Variants in IMMP2L observed in about 807,000 individuals in gnomAD.
IMMP2L encodes inner mitochondrial membrane peptidase subunit 2.
In IMMP2L, 18 loss-of-function variants were observed where a neutral mutation model predicts 19.3. The ratio of observed to expected loss-of-function variants is 0.93; its 90% CI spans 0.64 to 1.38. IMMP2L has a LOEUF of 1.38. Among genes scored for constraint, IMMP2L ranks in the 40% most tolerant of loss-of-function variants. IMMP2L has a pLI of 0.00. For missense variants in IMMP2L, 233 were observed against 218.2 expected, an observed-to-expected ratio of 1.07 and a Z score of -0.43; for synonymous variants, 76 against 73.0, an observed-to-expected ratio of 1.04 and a Z score of -0.21.
Position 110,950,841 on chromosome 7 carries a change from C to CATATATATATAT in IMMP2L, c.305+12647_305+12658dup, listed in dbSNP as rs34797718. Among the ~76,000 whole-genome samples the CATATATATATAT allele has an allele frequency of 4.7e-3, 476 of 100,480 alleles. 6 individuals carry two copies. The highest frequency in any genetic ancestry group is 6.4e-3 in the Non-Finnish European group (333 of 52,362). The allele number at this position is 100,480 out of a possible 152,430, so 65.9% of individuals were successfully genotyped here. ...AGATGAATGGATACACAAAATGTGGCATATATATATATATATATATATATA... is the reference window on the plus strand; with the variant it reads ...AGATGAATGGATACACAAAATGTGGCATATATATATATATATATATATATATATATATATATA... On this transcript the variant is annotated intron_variant, in intron 4 of 5. Transcript: ENST00000405709.
intron 4 of IMMP2L, among the ~76,000 whole-genome samples, chr7:110,931,007 T>C (rs937565140): frequency 1.3e-5 from 2 of 152,132 alleles, no homozygotes; most frequent in African/African-American, 4.8e-5. Context: ...GTACCTAAAA[T>C]CTAGTGAGTG....
intron 3 of IMMP2L, among the ~76,000 whole-genome samples, chr7:111,165,322 G>A (rs934002488): frequency 6.6e-6 from 1 of 151,972 alleles, no homozygotes; most frequent in East Asian, 1.9e-4. Context: ...TAATTCATCT[G>A]TCAATGGATA....
intron 3 of IMMP2L, among the ~76,000 whole-genome samples, chr7:111,120,574 T>C (rs1189085557): frequency 1.3e-5 from 2 of 152,118 alleles, no homozygotes; most frequent in African/African-American, 4.8e-5. Context: ...TGTAATAAAA[T>C]TGTTTTTTCA....
chr7:110,723,558 C>A (rs939090704), intron 5 of IMMP2L, among the ~76,000 whole-genome samples: 10 of 151,888 alleles, frequency 6.6e-5, no homozygotes, highest in Non-Finnish European at 1.3e-4. Flanking sequence ...TAAATCTTCA[C>A]TGATTAGCAA....
At chr7:110,871,407 G>C (rs916677853) in intron 5 of IMMP2L, among the ~76,000 whole-genome samples, 4 of 152,090 alleles carry the variant, frequency 2.6e-5, no homozygotes, top group African/African-American at 9.7e-5. Flanking sequence ...AAATCTGGCA[G>C]AGAAGGATGA....
chr7:111,101,521 T>C (rs17439799), intron 3 of IMMP2L, among the ~76,000 whole-genome samples: 69,593 of 151,130 alleles, frequency 0.46, 17,271 homozygotes, highest in Non-Finnish European at 0.57. Context: ...GTCCACTGTC[T>C]ACCATTTTTG....
chr7:111,006,069 G>A (rs1275583903), intron 3 of IMMP2L, among the ~76,000 whole-genome samples: 1 of 152,130 alleles, frequency 6.6e-6, no homozygotes, highest in African/African-American at 2.4e-5. Flanking sequence ...GCTCATCTGA[G>A]TCTGAGCCTA....
chr7:111,317,170 G>A (rs1271688267), intron 3 of IMMP2L, among the ~76,000 whole-genome samples: 1 of 152,010 alleles, frequency 6.6e-6, no homozygotes, highest in Non-Finnish European at 1.5e-5. Context: ...GTGTCTCAAC[G>A]TGGTTAAGTG....
At chr7:111,505,354 G>A (rs1844773482) in intron 2 of IMMP2L, among the ~76,000 whole-genome samples, 1 of 151,410 alleles carries the variant, frequency 6.6e-6, no homozygotes, top group Admixed American at 6.6e-5. Context: ...GGAGAAATAG[G>A]AACACTTTTA....
chr7:111,243,043 T>A (rs545007461), intron 3 of IMMP2L, among the ~76,000 whole-genome samples: 1 of 152,202 alleles, frequency 6.6e-6, no homozygotes, highest in African/African-American at 2.4e-5. Context: ...ACTTTTCTTG[T>A]GAACCACATG....
At chr7:111,207,695 C>A (rs1810873812) in intron 3 of IMMP2L, among the ~76,000 whole-genome samples, 2 of 151,748 alleles carry the variant, frequency 1.3e-5, no homozygotes, top group African/African-American at 4.8e-5. Context: ...GCCGCCATGT[C>A]CAGCTAATTT....
At chr7:111,236,149 T>G (rs1345036612) in intron 3 of IMMP2L, among the ~76,000 whole-genome samples, 1 of 151,990 alleles carries the variant, frequency 6.6e-6, no homozygotes, top group African/African-American at 2.4e-5. Context: ...TCATTTGTGT[T>G]TTTTTTTAAC....
At chr7:110,714,228 A>G (rs1158737014) in intron 5 of IMMP2L, among the ~76,000 whole-genome samples, 1 of 152,182 alleles carries the variant, frequency 6.6e-6, no homozygotes, top group African/African-American at 2.4e-5. Flanking sequence ...AATCACATTT[A>G]TTGACTTGCG....
At chr7:111,050,892 A>G (rs1040781129) in intron 3 of IMMP2L, among the ~76,000 whole-genome samples, 2 of 152,250 alleles carry the variant, frequency 1.3e-5, no homozygotes, top group African/African-American at 4.8e-5. Context: ...TTTAGTCATC[A>G]GTCCTCTTGT....
intron 5 of IMMP2L, among the ~76,000 whole-genome samples, chr7:110,730,864 T>C (rs1796229214): frequency 1.3e-5 from 2 of 152,164 alleles, no homozygotes; most frequent in South Asian, 4.1e-4. Flanking sequence ...AGACACCCTC[T>C]TATGGGACTT....
At chr7:111,482,517 C>G (rs1842280114) in intron 3 of IMMP2L, among the ~76,000 whole-genome samples, 1 of 152,070 alleles carries the variant, frequency 6.6e-6, no homozygotes. Context: ...GGCCATTTCT[C>G]CCACTCACAC....
chr7:110,848,710 GA>G (rs1183253484), intron 5 of IMMP2L, among the ~76,000 whole-genome samples: 1 of 152,028 alleles, frequency 6.6e-6, no homozygotes, highest in Non-Finnish European at 1.5e-5. Context: ...CCAGACAATG[GA>G]ATATTATTCA....
intron 3 of IMMP2L, among the ~76,000 whole-genome samples, chr7:111,107,061 T>C (rs1268400046): frequency 1.3e-5 from 2 of 151,926 alleles, no homozygotes; most frequent in Non-Finnish European, 2.9e-5. Context: ...AAGAGACAGT[T>C]AAGCTGCAAT....
intron 5 of IMMP2L, among the ~76,000 whole-genome samples, chr7:110,800,776 C>A (rs1801184114): frequency 6.6e-6 from 1 of 151,984 alleles, no homozygotes; most frequent in Admixed American, 6.6e-5. Flanking sequence ...ATCCAGGTTA[C>A]TATTTTAAGG....
Sources: allele counts gnomAD v4.1 joint callset (sites outside exome capture counted in the v4.1 genomes callset), GRCh38; gene constraint gnomAD v4.1.1; transcripts MANE v1.5; gene names NCBI Gene and HGNC (gene_info 2026-07-23, HGNC 2026-07-21).